The following VPS54 variants were observed in gnomAD, a reference collection of about 807,000 sequenced individuals.
VPS54 encodes the protein VPS54 subunit of GARP complex.
VPS54 carries 45 observed loss-of-function variants against 121.5 expected under a neutral mutation model. The observed-to-expected ratio is 0.37, with a 90% CI of 0.29 to 0.47. The LOEUF is 0.47. Ranked by LOEUF, VPS54 falls within the 20% of genes least tolerant of loss-of-function variation. The probability of loss-of-function intolerance (pLI) is 0.99; values close to 1 mark genes in which losing one functional copy is unlikely to be tolerated. For synonymous variants in VPS54, 371 were observed against 385.8 expected, an observed-to-expected ratio of 0.96 and a Z score of 0.45; for missense variants, 1,090 against 1,131.4, an observed-to-expected ratio of 0.96 and a Z score of 0.52.
intron 1 of VPS54, among the ~76,000 whole-genome samples, chr2:63,985,161 A>G (rs770815570): frequency 6.6e-5 from 10 of 152,118 alleles, no homozygotes; most frequent in Admixed American, 5.9e-4. Flanking sequence ...ATCTATAAAA[A>G]TTACAAAAAT....
chr2:63,987,508 A>C (rs559152448), intron 1 of VPS54, among the ~76,000 whole-genome samples: 1 of 152,102 alleles, frequency 6.6e-6, no homozygotes, highest in East Asian at 1.9e-4. Context: ...TGTTTATTCC[A>C]AGTCTTTTGT....
intron 7 of VPS54, among the ~76,000 whole-genome samples, chr2:63,958,626 G>T (rs1054574111): frequency 1.3e-5 from 2 of 152,096 alleles, no homozygotes; most frequent in Non-Finnish European, 2.9e-5. Context: ...AGGGCAGGAG[G>T]ATCACTTGAG....
intron 1 of VPS54, among the ~76,000 whole-genome samples, chr2:64,006,643 G>C (rs1367539093): frequency 8.3e-5 from 10 of 120,550 alleles, no homozygotes; most frequent in Non-Finnish European, 1.8e-4. Context: ...TTTTTTTTGA[G>C]ACAGTCTCAC....
At chr2:64,002,904 A>G (rs1373973366) in intron 1 of VPS54, among the ~76,000 whole-genome samples, 1 of 152,204 alleles carries the variant, frequency 6.6e-6, no homozygotes, top group African/African-American at 2.4e-5. Context: ...GCTTATTATT[A>G]AAAAGATCTC....
chr2:63,911,053 T>C (rs888564492), intron 20 of VPS54, among the ~76,000 whole-genome samples: 2 of 149,774 alleles, frequency 1.3e-5, no homozygotes, highest in Admixed American at 6.6e-5. Flanking sequence ...ATTTAACATA[T>C]ATTCTATTCT....
Position 63,927,896 on chromosome 2 carries a change from T to C in VPS54, c.1739+5777A>G, listed in dbSNP as rs551837900. Among the ~76,000 whole-genome samples, 180 of 152,016 alleles carry C rather than the reference T, an allele frequency of 1.2e-3. 1 individual carries two copies. The highest frequency in any genetic ancestry group is 3.1e-3 in the Admixed American group (48 of 15,278). ...AGCTTCAATAGCCGATTCAATCAAG[T>C]GGAAGAAAGGGTATCAGTGACTGAA... On this transcript the variant is annotated intron_variant, in intron 12 of 22. Coordinates refer to ENST00000272322, the MANE Select transcript of VPS54 (RefSeq NM_016516.3).
chr2:64,016,323 T>C (rs1207375694), intron 1 of VPS54, among the ~76,000 whole-genome samples: 3 of 152,222 alleles, frequency 2.0e-5, no homozygotes, highest in South Asian at 2.1e-4. Context: ...TGGTGATCAG[T>C]TGCTTATTCC....
At chr2:64,008,463 A>G (rs568233750) in intron 1 of VPS54, among the ~76,000 whole-genome samples, 10 of 150,936 alleles carry the variant, frequency 6.6e-5, no homozygotes, top group East Asian at 1.9e-4. Context: ...AGATGGTCAG[A>G]GTTACATACA....
At chr2:63,949,215 T>A (rs769757573) in intron 7 of VPS54, 52 bp from the exon 8 acceptor site, 8 of 1,554,094 alleles carry the variant, frequency 5.1e-6, no homozygotes, top group South Asian at 3.7e-5. Flanking sequence ...AACTACAAAT[T>A]CGCTCCACAA....
intron 3 of VPS54, chr2:63,975,046 A>T (rs1473449234): frequency 6.0e-6 from 9 of 1,497,840 alleles, no homozygotes; most frequent in Non-Finnish European, 8.1e-6. Flanking sequence ...GTTTTTGTAG[A>T]TTTTTTTTTT....
intron 9 of VPS54, 146 bp from the exon 10 acceptor site, chr2:63,944,801 TG>T (rs1302321097): frequency 4.2e-5 from 26 of 614,588 alleles, no homozygotes; most frequent in Non-Finnish European, 7.2e-5. Context: ...CCAACATAAC[TG>T]ATCATTAGAG....
At chr2:63,969,065 G>A (rs1322482579) in intron 4 of VPS54, 74 bp from the exon 5 acceptor site, 8 of 1,267,086 alleles carry the variant, frequency 6.3e-6, no homozygotes, top group Non-Finnish European at 5.6e-6. Context: ...CATTTTGACA[G>A]ATTCAGTATT....
At chr2:63,946,084 T>G (rs1420575491) in intron 9 of VPS54, among the ~76,000 whole-genome samples, 1 of 152,164 alleles carries the variant, frequency 6.6e-6, no homozygotes, top group African/African-American at 2.4e-5. Context: ...TATCTTGATT[T>G]TTAAACCATA....
At chr2:64,008,311 G>A (rs1334880593) in intron 1 of VPS54, among the ~76,000 whole-genome samples, 1 of 151,978 alleles carries the variant, frequency 6.6e-6, no homozygotes, top group Non-Finnish European at 1.5e-5. Context: ...CTACTCAGAA[G>A]GTTGAGGCAC....
At chr2:63,950,319 T>C (rs1037444780) in intron 7 of VPS54, among the ~76,000 whole-genome samples, 1 of 152,166 alleles carries the variant, frequency 6.6e-6, no homozygotes, top group East Asian at 1.9e-4. Context: ...CTGATAATCC[T>C]TTCCATAGAG....
chr2:63,906,572 G>A (rs1443821148), intron 20 of VPS54, among the ~76,000 whole-genome samples: 1 of 152,152 alleles, frequency 6.6e-6, no homozygotes, highest in Non-Finnish European at 1.5e-5. Context: ...GGCTCACTGG[G>A]GGAAAAGCAC....
intron 5 of VPS54, among the ~76,000 whole-genome samples, chr2:63,966,319 A>T (rs956416212): frequency 2.0e-5 from 3 of 152,230 alleles, no homozygotes; most frequent in African/African-American, 7.2e-5. Flanking sequence ...ATAGTTTTTT[A>T]AAATGCCAAA....
intron 12 of VPS54, among the ~76,000 whole-genome samples, chr2:63,921,713 C>A (rs1160122263): frequency 2.0e-5 from 3 of 152,038 alleles, no homozygotes; most frequent in Non-Finnish European, 2.9e-5. Flanking sequence ...TATCCCTGGC[C>A]TCAAGCAATC....
Position 63,904,187 on chromosome 2 carries a change from C to T in VPS54, c.2626-4606G>A, listed in dbSNP as rs190867588. Among the ~76,000 whole-genome samples the T allele has an allele frequency of 2.2e-3, 339 of 152,152 alleles. 2 individuals are homozygous for T. Among genetic ancestry groups the T allele is most frequent in the Middle Eastern group, 0.02 (6 of 294 alleles). On this transcript the variant is annotated intron_variant, in intron 20 of 22. Coordinates refer to ENST00000272322, the MANE Select transcript of VPS54 (RefSeq NM_016516.3). ...GGACGTGGTGGCTCACGCCTGTAAT[C>T]CCAGCACTTTGGAAGGCCGAGGTGG...
Sources: gnomAD v4.1 joint callset for allele counts (sites outside exome capture counted in the v4.1 genomes callset) on GRCh38, gnomAD v4.1.1 for gene constraint, MANE v1.5 for transcripts, NCBI Gene and HGNC (gene_info 2026-07-23, HGNC 2026-07-21) for gene names.